Variants in NUF2 observed in about 807,000 individuals in gnomAD.
The protein encoded by NUF2 is NUF2 component of NDC80 kinetochore complex.
A neutral mutation model predicts 61.8 loss-of-function variants in NUF2; 34 were observed. The observed-to-expected ratio is 0.55, with a 90% CI of 0.42 to 0.73. The LOEUF (loss-of-function observed/expected upper bound fraction) is 0.73. NUF2 is among the 30% of genes least tolerant of loss of function. NUF2 has a pLI of 0.00. For synonymous variants in NUF2, 172 were observed against 181.6 expected (o/e 0.95, Z 0.42); for missense variants, 445 against 539.1 (o/e 0.83, Z 1.73).
intron 4 of NUF2, 90 bp from the exon 5 acceptor site, chr1:163,328,756 T>A (rs1293504250): frequency 4.0e-5 from 33 of 822,316 alleles, no homozygotes; most frequent in Non-Finnish European, 6.6e-5. Context: ...TCCAGAAATC[T>A]CTTTCTGAAA....
chr1:163,346,740 A>G (rs1571396594), intron 11 of NUF2, among the ~76,000 whole-genome samples: 1 of 152,176 alleles, frequency 6.6e-6, no homozygotes, highest in Non-Finnish European at 1.5e-5. Context: ...CTGTAGTCCC[A>G]GCCACTTGGG....
At chr1:163,328,726 C>T (rs917886811) in intron 4 of NUF2, 120 bp from the exon 5 acceptor site, 24 of 658,756 alleles carry the variant, frequency 3.6e-5, no homozygotes, top group Non-Finnish European at 5.3e-5. Flanking sequence ...TGGCTTCGTC[C>T]ACTGACCTTA....
At chr1:163,326,552 A>C (rs1249638589) in intron 2 of NUF2, among the ~76,000 whole-genome samples, 3 of 152,178 alleles carry the variant, frequency 2.0e-5, no homozygotes, top group African/African-American at 7.2e-5. Context: ...GCTTAGAAAT[A>C]ATCCTCTTTG....
At chr1:163,344,130 G>A (rs991293876) in intron 10 of NUF2, among the ~76,000 whole-genome samples, 4 of 152,032 alleles carry the variant, frequency 2.6e-5, no homozygotes, top group Admixed American at 1.3e-4. Context: ...ATGCTGGGTG[G>A]TGAGATTTAA....
chr1:163,349,556 T>A (rs544231136), intron 13 of NUF2, among the ~76,000 whole-genome samples: 107 of 152,280 alleles, frequency 7.0e-4, no homozygotes, highest in Admixed American at 1.6e-3. Context: ...TTCTTCACCT[T>A]GTTTACATTG....
At chr1:163,343,260 T>G (rs1651008363) in intron 9 of NUF2, among the ~76,000 whole-genome samples, 1 of 152,176 alleles carries the variant, frequency 6.6e-6, no homozygotes, top group African/African-American at 2.4e-5. Context: ...AAACACATAT[T>G]AAGTACATAA....
chr1:163,346,049 A>C, intron 11 of NUF2: 2 of 306,800 alleles, frequency 6.5e-6, no homozygotes, highest in Non-Finnish European at 1.2e-5. Context: ...AACCCATCAC[A>C]TTGCTGTGTA....
Position 163,327,526 on chromosome 1 carries a change from A to G in NUF2, c.162A>G (p.Gln54=), listed in dbSNP as rs771268349. ...ACATGATCTACATGAGAGCCTTACA[A>G]ATAGTATATGGAATTCGACTGGAAC... ...VLHMIYMRAL[Q]IVYGIRLEHF... Residue 54 remains glutamine, a synonymous_variant, in exon 3 of 14, where the codon CAA becomes CAG. Coordinates refer to ENST00000271452, the MANE Select transcript of NUF2 (RefSeq NM_145697.3). 3.1e-6 allele frequency: 5 copies of G among 1,612,768 alleles called. No homozygotes were observed. The highest frequency in any genetic ancestry group is 4.2e-6 in the Non-Finnish European group (5 of 1,178,902).
intron 13 of NUF2, among the ~76,000 whole-genome samples, chr1:163,351,057 C>T (rs1057173837): frequency 3.9e-5 from 6 of 152,132 alleles, no homozygotes; most frequent in Non-Finnish European, 7.4e-5. Context: ...TTCTCATATT[C>T]AGGATAATTA....
chr1:163,331,051 C>T (rs1650582766), intron 5 of NUF2, among the ~76,000 whole-genome samples: 1 of 143,096 alleles, frequency 7.0e-6, no homozygotes, highest in Non-Finnish European at 1.5e-5. Flanking sequence ...TACGTTTCTG[C>T]ACTGGCTGGG....
intron 11 of NUF2, 111 bp downstream of exon 11, chr1:163,345,929 C>G: frequency 1.4e-6 from 1 of 734,978 alleles, no homozygotes; most frequent in Non-Finnish European, 2.2e-6. Context: ...CAGGGTCATT[C>G]TACAGTATAA....
chr1:163,345,560 G>T, intron 10 of NUF2, 118 bp from the exon 11 acceptor site: 1 of 817,300 alleles, frequency 1.2e-6, no homozygotes, highest in Non-Finnish European at 1.9e-6. Flanking sequence ...TAATTGTTCC[G>T]TGCTCTTAAG....
intron 5 of NUF2, among the ~76,000 whole-genome samples, chr1:163,330,396 A>G (rs367996318): frequency 6.6e-5 from 10 of 152,280 alleles, no homozygotes; most frequent in African/African-American, 2.4e-4. Flanking sequence ...ATATTTGTCT[A>G]TTTTTGAGCT....
intron 12 of NUF2, among the ~76,000 whole-genome samples, chr1:163,348,161 T>C (rs984361864): frequency 6.6e-6 from 1 of 152,132 alleles, no homozygotes; most frequent in Admixed American, 6.5e-5. Flanking sequence ...GGTATACAGT[T>C]CCAATTCCTT....
At chr1:163,338,154 T>C (rs2175015) in intron 7 of NUF2, 61 bp downstream of exon 7, 566,819 of 1,280,704 alleles carry the variant, frequency 0.44, 129,552 homozygotes, top group South Asian at 0.57. Flanking sequence ...GAATTGTAAG[T>C]AGTATTTTAC....
chr1:163,336,840 T>C lies in NUF2; in HGVS notation c.427T>C (p.Trp143Arg). The C allele has an allele frequency of 1.3e-6, 2 of 1,599,620 alleles. No homozygotes were observed. The highest frequency in any genetic ancestry group is 1.7e-6 in the Non-Finnish European group (2 of 1,167,068). ...ACRETYMEFL[W>R]QYKSSADKMQ... ...CCGTGAAACGTATATGGAATTTCTT[T>C]GGCAATATGTAAGATTTAAATATGT... The change falls in exon 6 of 14, where the codon TGG becomes CGG. Residue 143 changes from tryptophan to arginine, a missense_variant. Physicochemically the swap from Trp to Arg is moderately radical, Grantham distance 101. Coordinates refer to ENST00000271452, the MANE Select transcript of NUF2 (RefSeq NM_145697.3).
chr1:163,323,886 A>AG (rs1338172479), intron 1 of NUF2, among the ~76,000 whole-genome samples: 1 of 152,098 alleles, frequency 6.6e-6, no homozygotes, highest in Non-Finnish European at 1.5e-5. Context: ...AGAGAGGGAA[A>AG]GGGGGAAAAA....
At chr1:163,340,272 C>T (rs1035976637) in intron 8 of NUF2, 92 bp from the exon 9 acceptor site, 1 of 928,266 alleles carries the variant, frequency 1.1e-6, no homozygotes, top group Non-Finnish European at 1.7e-6. Context: ...ACACATTTAA[C>T]TCCTTTCTTA....
At chr1:163,324,847 T>C (rs1284800691) in intron 1 of NUF2, among the ~76,000 whole-genome samples, 1 of 151,922 alleles carries the variant, frequency 6.6e-6, no homozygotes, top group Non-Finnish European at 1.5e-5. Flanking sequence ...GTAACAAGTA[T>C]TATAACAGGG....
Sources: gnomAD v4.1 joint callset for allele counts (sites outside exome capture counted in the v4.1 genomes callset) on GRCh38, gnomAD v4.1.1 for gene constraint, MANE v1.5 for transcripts, NCBI Gene and HGNC (gene_info 2026-07-23, HGNC 2026-07-21) for gene names.